PLCB1: variants seen among roughly 807,000 people sequenced by gnomAD.
The protein encoded by PLCB1 is phospholipase C beta 1, also known as 1-phosphatidylinositol 4,5-bisphosphate phosphodiesterase beta-1.
In PLCB1, 46 loss-of-function variants were observed where a neutral mutation model predicts 161.8. The observed-to-expected ratio is 0.28, with a 90% confidence interval of 0.22 to 0.36. The LOEUF (loss-of-function observed/expected upper bound fraction) is 0.36, where lower values mean the gene tolerates loss of function less well. Among genes scored for constraint, PLCB1 ranks in the 10% least tolerant of loss-of-function variants. PLCB1 has a pLI of 1.00. For missense variants in PLCB1, 1,016 were observed against 1,472.5 expected (o/e 0.69, Z 5.07); for synonymous variants, 517 against 503.7 (o/e 1.03, Z -0.35).
chr20:8,790,081 TA>T, intron 30 of PLCB1, 93 bp from the exon 31 acceptor site: 1 of 780,742 alleles, frequency 1.3e-6, no homozygotes, highest in Non-Finnish European at 2.1e-6. Context: ...TAATCAAATG[TA>T]AGCCATAGAT....
chr20:8,175,242 T>G (rs1330184887), intron 2 of PLCB1, among the ~76,000 whole-genome samples: 1 of 148,364 alleles, frequency 6.7e-6, no homozygotes, highest in African/African-American at 2.5e-5. Flanking sequence ...AAAACCAGAG[T>G]AAATAAATGG....
At chr20:8,666,947 A>G (rs903515062) in intron 9 of PLCB1, among the ~76,000 whole-genome samples, 5 of 152,080 alleles carry the variant, frequency 3.3e-5, no homozygotes, top group Non-Finnish European at 5.9e-5. Context: ...TGTCTGCCCA[A>G]ACCCAGGGAT....
intron 3 of PLCB1, among the ~76,000 whole-genome samples, chr20:8,545,058 T>C (rs1314190974): frequency 1.3e-5 from 2 of 152,208 alleles, no homozygotes; most frequent in African/African-American, 4.8e-5. Context: ...GGATAAGATG[T>C]GTCTAAAAGT....
At chr20:8,665,624 A>G (rs1220215114) in intron 9 of PLCB1, among the ~76,000 whole-genome samples, 2 of 152,184 alleles carry the variant, frequency 1.3e-5, no homozygotes, top group African/African-American at 4.8e-5. Flanking sequence ...TGGAATTATA[A>G]TTATAGTCAT....
At chr20:8,418,228 C>G (rs1476751720) in intron 3 of PLCB1, among the ~76,000 whole-genome samples, 1 of 152,210 alleles carries the variant, frequency 6.6e-6, no homozygotes, top group Non-Finnish European at 1.5e-5. Context: ...CAACAATCTT[C>G]AGTGGACTTC....
chr20:8,872,582 T>C (rs147915915), intron 31 of PLCB1, among the ~76,000 whole-genome samples: 1 of 152,366 alleles, frequency 6.6e-6, no homozygotes, highest in African/African-American at 2.4e-5. Context: ...ATGCCTCTGC[T>C]GGGACTCAGT....
chr20:8,662,015 A>ATATAATTATATAATTATTTATTATATAAT (rs1478920812), intron 9 of PLCB1, among the ~76,000 whole-genome samples: 914 of 81,826 alleles, frequency 0.011, 96 homozygotes, highest in African/African-American at 0.043. Flanking sequence ...ATATAATTAT[A>ATATAATTATATAATTATTTATTATATAAT]TATAATATAC....
intron 31 of PLCB1, among the ~76,000 whole-genome samples, chr20:8,841,975 A>G (rs1353077942): frequency 6.6e-6 from 1 of 152,150 alleles, no homozygotes; most frequent in African/African-American, 2.4e-5. Context: ...TGGAAATAAG[A>G]CATTAACATT....
At position 8,315,953 on chromosome 20, in the gene PLCB1, A is replaced by G. The variant is rs998380489; in HGVS notation, c.178-55429A>G. Among the ~76,000 whole-genome samples the G allele has an allele frequency of 9.2e-5, 14 of 152,204 alleles. 1 individual carries two copies. The highest frequency in any genetic ancestry group is 1.9e-4 in the Non-Finnish European group (13 of 68,046). Reference sequence around the variant, plus strand: ...TTTTCACTCCTGTTTTTCTAATGATATGCAATCTTAACTAAATCTGCCAGC... The same window carrying G: ...TTTTCACTCCTGTTTTTCTAATGATGTGCAATCTTAACTAAATCTGCCAGC... On this transcript the variant is annotated intron_variant, in intron 2 of 31. Coordinates refer to ENST00000338037, the MANE Select transcript of PLCB1 (RefSeq NM_015192.4).
chr20:8,243,533 C>T (rs994783484), intron 2 of PLCB1, among the ~76,000 whole-genome samples: 2 of 151,896 alleles, frequency 1.3e-5, no homozygotes, highest in Admixed American at 6.6e-5. Context: ...CTATGTACCT[C>T]CTAATGGTTG....
Position 8,354,757 on chromosome 20 carries a change from C to A in PLCB1, c.178-16625C>A, listed in dbSNP as rs150760442. 3.0e-4 allele frequency among the ~76,000 whole-genome samples: 46 copies of A among 152,206 alleles called. No individual in the cohort carries two copies. The East Asian group carries it at 8.7e-3, about 29-fold the overall frequency. ...TGTTTATTTTATATATTATTTTAAC[C>A]CTCACAACAGCATTATATGCTAGTA... On this transcript the variant is annotated intron_variant, in intron 2 of 31. Coordinates refer to ENST00000338037, the MANE Select transcript of PLCB1 (RefSeq NM_015192.4).
At chr20:8,361,616 A>G (rs1164533675) in intron 2 of PLCB1, among the ~76,000 whole-genome samples, 1 of 152,196 alleles carries the variant, frequency 6.6e-6, no homozygotes, top group Non-Finnish European at 1.5e-5. Context: ...GGAGAAATGA[A>G]GGCATTTAAG....
intron 4 of PLCB1, among the ~76,000 whole-genome samples, chr20:8,637,058 T>G (rs1201875284): frequency 6.6e-6 from 1 of 151,652 alleles, no homozygotes; most frequent in African/African-American, 2.4e-5. Flanking sequence ...TCACCGTGAC[T>G]TTTTGGAAGG....
At chr20:8,156,814 A>G (rs2123043104) in intron 2 of PLCB1, among the ~76,000 whole-genome samples, 1 of 152,330 alleles carries the variant, frequency 6.6e-6, no homozygotes, top group African/African-American at 2.4e-5. Context: ...TGAATGACTT[A>G]GCATAACACC....
chr20:8,206,939 AAT>A (rs1978564626), intron 2 of PLCB1, among the ~76,000 whole-genome samples: 1 of 152,160 alleles, frequency 6.6e-6, no homozygotes, highest in Non-Finnish European at 1.5e-5. Flanking sequence ...AAAATGCAAC[AAT>A]ATGGAAATAT....
At chr20:8,348,551 G>A (rs538523366) in intron 2 of PLCB1, among the ~76,000 whole-genome samples, 1 of 152,308 alleles carries the variant, frequency 6.6e-6, no homozygotes, top group Admixed American at 6.5e-5. Context: ...TCATGAGGGA[G>A]ATGCTGCATA....
At chr20:8,266,060 T>C (rs1180253872) in intron 2 of PLCB1, among the ~76,000 whole-genome samples, 1 of 152,222 alleles carries the variant, frequency 6.6e-6, no homozygotes, top group Admixed American at 6.5e-5. Context: ...TGGGTTCTTC[T>C]TTTTCAGTCG....
intron 2 of PLCB1, among the ~76,000 whole-genome samples, chr20:8,207,053 G>A (rs1301001556): frequency 2.1e-5 from 2 of 95,640 alleles, no homozygotes; most frequent in African/African-American, 4.3e-5. Context: ...AAGACTGTAA[G>A]AGGATGTTCA....
intron 3 of PLCB1, among the ~76,000 whole-genome samples, chr20:8,394,601 C>G (rs1440021541): frequency 6.6e-6 from 1 of 152,192 alleles, no homozygotes; most frequent in South Asian, 2.1e-4. Context: ...GTTAATAGTA[C>G]TATTTCTCAG....
Sources: allele counts gnomAD v4.1 joint callset (sites outside exome capture counted in the v4.1 genomes callset), GRCh38; gene constraint gnomAD v4.1.1; transcripts MANE v1.5; gene names NCBI Gene and HGNC (gene_info 2026-07-23, HGNC 2026-07-21).